Variants in DNA2 observed in about 807,000 individuals in gnomAD.
DNA2 encodes DNA replication helicase/nuclease 2.
DNA2 carries 101 observed loss-of-function variants against 119.1 expected under a neutral mutation model. The observed-to-expected ratio is 0.85, with a 90% CI of 0.72 to 1.00. The LOEUF (loss-of-function observed/expected upper bound fraction) is 1.00. Among genes scored for constraint, DNA2 ranks in the 50% least tolerant of loss-of-function variants. The pLI is 0.00. For missense variants in DNA2, 1,121 were observed against 1,255.5 expected (o/e 0.89, Z 1.62); for synonymous variants, 366 against 424.4 (o/e 0.86, Z 1.69).
At chr10:68,431,495 G>A (rs2051820820) in intron 13 of DNA2, among the ~76,000 whole-genome samples, 1 of 151,900 alleles carries the variant, frequency 6.6e-6, no homozygotes, top group Non-Finnish European at 1.5e-5. Context: ...ATGTTGGCCA[G>A]GCTGGTCTTG....
At chr10:68,445,463 C>CA (rs1243993655) in intron 7 of DNA2, among the ~76,000 whole-genome samples, 1 of 150,934 alleles carries the variant, frequency 6.6e-6, no homozygotes, top group Non-Finnish European at 1.5e-5. Flanking sequence ...AACTCGGTCT[C>CA]AAAAAAATAA....
At chr10:68,467,233 C>G (rs1244728982) in intron 3 of DNA2, among the ~76,000 whole-genome samples, 1 of 151,996 alleles carries the variant, frequency 6.6e-6, no homozygotes, top group Non-Finnish European at 1.5e-5. Flanking sequence ...GCCTCAGCCT[C>G]TCGAGTAGCT....
At chr10:68,463,232 CAGG>C (rs1311669182) in intron 4 of DNA2, among the ~76,000 whole-genome samples, 1 of 151,972 alleles carries the variant, frequency 6.6e-6, no homozygotes, top group African/African-American at 2.4e-5. Context: ...ATCACGAGGT[CAGG>C]AGATCGGGAC....
intron 9 of DNA2, among the ~76,000 whole-genome samples, chr10:68,440,306 A>T (rs979818174): frequency 8.6e-5 from 13 of 151,812 alleles, no homozygotes; most frequent in Admixed American, 1.3e-4. Flanking sequence ...TTATTTATTT[A>T]TTTATTTTTT....
intron 8 of DNA2, among the ~76,000 whole-genome samples, chr10:68,443,535 C>T (rs2051997976): frequency 6.6e-6 from 1 of 152,154 alleles, no homozygotes; most frequent in African/African-American, 2.4e-5. Flanking sequence ...AACAAACATG[C>T]TATAGGACAG....
At chr10:68,463,113 C>T (rs1027546839) in intron 4 of DNA2, among the ~76,000 whole-genome samples, 28 of 149,470 alleles carry the variant, frequency 1.9e-4, no homozygotes, top group African/African-American at 6.4e-4. Context: ...GCCTGGGCGA[C>T]AGAGCCAGAT....
intron 3 of DNA2, among the ~76,000 whole-genome samples, chr10:68,467,644 G>A (rs1273157633): frequency 4.6e-5 from 7 of 152,092 alleles, no homozygotes; most frequent in Middle Eastern, 3.4e-3. Context: ...TCCATCTCCC[G>A]GGTTTAAACG....
intron 10 of DNA2, among the ~76,000 whole-genome samples, chr10:68,433,346 C>T (rs1471138521): frequency 6.6e-6 from 1 of 152,130 alleles, no homozygotes; most frequent in Non-Finnish European, 1.5e-5. Context: ...CAACACTACC[C>T]TGCCTCAATT....
chr10:68,469,457 C>T (rs532638530), intron 2 of DNA2, among the ~76,000 whole-genome samples: 6 of 149,012 alleles, frequency 4.0e-5, no homozygotes, highest in South Asian at 2.1e-4. Flanking sequence ...GTCCTTTGTA[C>T]GTGATTTTCT....
chr10:68,464,734 C>A (rs949130925), intron 4 of DNA2, among the ~76,000 whole-genome samples: 6 of 144,060 alleles, frequency 4.2e-5, no homozygotes, highest in African/African-American at 1.5e-4. Context: ...GAGGCTGAGG[C>A]AGCAGAATTG....
intron 13 of DNA2, among the ~76,000 whole-genome samples, chr10:68,430,880 TCC>T (rs1219726153): frequency 6.6e-6 from 1 of 152,202 alleles, no homozygotes; most frequent in Admixed American, 6.6e-5. Context: ...ACACTTGTAA[TCC>T]CAGCACTTTG....
Position 68,424,674 on chromosome 10 carries a change from C to T in DNA2, c.2209-1784G>A, listed in dbSNP as rs150788553. On this transcript the variant is annotated intron_variant, in intron 14 of 20. Coordinates refer to ENST00000358410, the MANE Select transcript of DNA2 (RefSeq NM_001080449.3). ...GTCATCCCCGCTCTCCAAGGAGCTG[C>T]GGCAGAAGTACAATGTCCGCTCCAC... 2,087 of 1,606,340 alleles carry T rather than the reference C, an allele frequency of 1.3e-3. 12 individuals are homozygous for T. The African/African-American group carries it at 0.022, about 17-fold the overall frequency.
intron 6 of DNA2, among the ~76,000 whole-genome samples, chr10:68,448,422 A>G (rs2052070259): frequency 6.6e-6 from 1 of 152,212 alleles, no homozygotes; most frequent in South Asian, 2.1e-4. Flanking sequence ...TAAACCTTTT[A>G]TTATCAAAAT....
At position 68,432,528 on chromosome 10, in the gene DNA2, A is replaced by G. The variant is rs2051837210; in HGVS notation, c.1647-18T>C. On this transcript the variant is annotated intron_variant, in intron 10 of 20. Coordinates refer to ENST00000358410, the MANE Select transcript of DNA2 (RefSeq NM_001080449.3). ...ACAAGTTTCTAAAACAACAAAACAA[A>G]TATACATGAATGCTCGCCATTTCGC... is the stretch of plus-strand genomic sequence containing the variant. 2 of 1,299,616 alleles carry G rather than the reference A, an allele frequency of 1.5e-6. No individual in the cohort carries two copies. Among genetic ancestry groups the G allele is most frequent in the African/African-American group, 1.5e-5 (1 of 67,804 alleles). 80.5% of individuals were successfully genotyped at this position (1,299,616 alleles called of 1,614,324 possible).
intron 14 of DNA2, 71 bp downstream of exon 14, chr10:68,430,365 A>G (rs2051803364): frequency 3.7e-6 from 4 of 1,095,564 alleles, no homozygotes. Context: ...AATTTCCCAG[A>G]GTACAGTTTC....
In DNA2 at chr10:68,468,218, A is replaced by G. The variant is rs2133449698; in HGVS notation, c.346T>C (p.Tyr116His). The change falls in exon 3 of 21, where the codon TAT becomes CAT. Residue 116 changes from tyrosine to histidine, a missense_variant. By Grantham distance (83) the Tyr-to-His change is moderately conservative. Transcript: ENST00000358410. Reference sequence around the variant, plus strand: ...AGCATGTCTGGATACAGAATCAAATATCCAAAATCTTTATCTATTATCCAA... The same window carrying G: ...AGCATGTCTGGATACAGAATCAAATGTCCAAAATCTTTATCTATTATCCAA... ...DTWIIDKDFG[Y>H]LILYPDMLIS... 6.2e-7 allele frequency: 1 copy of G among 1,612,560 alleles called. No homozygotes were observed. The highest frequency in any genetic ancestry group is 2.2e-5 in the East Asian group (1 of 44,852).
rs2051828574 is a variant in DNA2 at position 68,431,990 on chromosome 10, A to G, written c.1874-19T>C. 3 of 1,546,094 alleles carry G rather than the reference A, an allele frequency of 1.9e-6. No homozygotes were observed. Among genetic ancestry groups the G allele is most frequent in the African/African-American group, 1.4e-5 (1 of 73,044 alleles). On this transcript the variant is annotated intron_variant, in intron 12 of 20. Transcript: ENST00000358410. ...TTCAAACCTACATTTAAATTCAAAA[A>G]TAACAGGAAAAAGAGTGTTGAATTT...
At chr10:68,420,611 A>C (rs777855574) in intron 17 of DNA2, among the ~76,000 whole-genome samples, 4 of 152,004 alleles carry the variant, frequency 2.6e-5, no homozygotes, top group Non-Finnish European at 5.9e-5. Flanking sequence ...TTTTATACAA[A>C]TAATGGAGCA....
At chr10:68,469,897 G>T (rs958918583) in intron 2 of DNA2, 84 bp downstream of exon 2, 1 of 1,207,952 alleles carries the variant, frequency 8.3e-7, no homozygotes, top group Non-Finnish European at 1.1e-6. Flanking sequence ...TTAAATTATA[G>T]TAACATTCAC....
Sources: allele counts gnomAD v4.1 joint callset (sites outside exome capture counted in the v4.1 genomes callset), GRCh38; gene constraint gnomAD v4.1.1; transcripts MANE v1.5; gene names NCBI Gene and HGNC (gene_info 2026-07-23, HGNC 2026-07-21).